The following LRRC74A variants were observed in gnomAD, a reference collection of about 807,000 sequenced individuals.
LRRC74A encodes leucine-rich repeat-containing protein 74A.
A neutral mutation model predicts 57.9 loss-of-function variants in LRRC74A; 44 were observed. The ratio of observed to expected loss-of-function variants is 0.76; its 90% confidence interval spans 0.60 to 0.98. The LOEUF (loss-of-function observed/expected upper bound fraction) is 0.98, where lower values mean the gene tolerates loss of function less well. LRRC74A is among the 50% of genes least tolerant of loss of function. The pLI, the probability that LRRC74A is intolerant of heterozygous loss-of-function variation, is 0.00. For missense variants in LRRC74A, 572 were observed against 574.0 expected (o/e 1.00, Z 0.04); for synonymous variants, 211 against 219.4 (o/e 0.96, Z 0.34).
chr14:76,838,994 T>C (rs1370394430), intron 5 of LRRC74A, among the ~76,000 whole-genome samples: 1 of 152,260 alleles, frequency 6.6e-6, no homozygotes, highest in East Asian at 1.9e-4. Flanking sequence ...TGGATTTCTT[T>C]CTATGGCAGA....
At chr14:76,868,679 C>T (rs1226365760) in intron 13 of LRRC74A, among the ~76,000 whole-genome samples, 2 of 152,184 alleles carry the variant, frequency 1.3e-5, no homozygotes, top group Non-Finnish European at 2.9e-5. Context: ...GGCCTGTGTT[C>T]TTAAGAGCTT....
At chr14:76,867,927 C>T (rs1899078134) in intron 13 of LRRC74A, among the ~76,000 whole-genome samples, 4 of 152,320 alleles carry the variant, frequency 2.6e-5, no homozygotes, top group Non-Finnish European at 1.5e-5. Context: ...CTACAGGTCC[C>T]GCTACTCTGC....
intron 2 of LRRC74A, 131 bp downstream of exon 2, chr14:76,828,550 A>T: frequency 7.1e-7 from 1 of 1,409,812 alleles, no homozygotes; most frequent in Non-Finnish European, 9.9e-7. Context: ...GAAATGTGGC[A>T]GAAAGGCCTG....
intron 2 of LRRC74A, chr14:76,828,733 C>A (rs1195554615): frequency 4.2e-6 from 2 of 476,580 alleles, no homozygotes; most frequent in South Asian, 3.1e-5. Context: ...GCATCCTATG[C>A]AATCTTTGCA....
chr14:76,850,695 T>C (rs1023898422), intron 7 of LRRC74A, among the ~76,000 whole-genome samples: 14 of 151,884 alleles, frequency 9.2e-5, no homozygotes, highest in Non-Finnish European at 1.6e-4. Flanking sequence ...GATGAAACCC[T>C]GTCTCTACTA....
At chr14:76,867,896 A>G (rs1249320217) in intron 13 of LRRC74A, among the ~76,000 whole-genome samples, 1 of 152,162 alleles carries the variant, frequency 6.6e-6, no homozygotes, top group Admixed American at 6.5e-5. Context: ...CAAGCACCAA[A>G]TGCTAACGGT....
At chr14:76,851,384 G>T (rs1321709788) in intron 7 of LRRC74A, among the ~76,000 whole-genome samples, 2 of 152,166 alleles carry the variant, frequency 1.3e-5, no homozygotes, top group Non-Finnish European at 2.9e-5. Flanking sequence ...TTGAGATGCA[G>T]TCTTGCTCTG....
chr14:76,838,120 C>A, intron 5 of LRRC74A, 149 bp downstream of exon 5: 2 of 557,656 alleles, frequency 3.6e-6, no homozygotes, highest in Non-Finnish European at 3.2e-6. Context: ...TAAACCCTCC[C>A]AGTCACACTC....
intron 11 of LRRC74A, among the ~76,000 whole-genome samples, chr14:76,863,212 G>GTGTGTGTA (rs2140310082): frequency 6.6e-6 from 1 of 151,930 alleles, no homozygotes; most frequent in South Asian, 2.1e-4. Context: ...GTGTGTGTGT[G>GTGTGTGTA]TGTTGGGATA....
intron 1 of LRRC74A, among the ~76,000 whole-genome samples, chr14:76,828,074 G>A (rs1895706149): frequency 6.6e-6 from 1 of 152,220 alleles, no homozygotes; most frequent in Non-Finnish European, 1.5e-5. Flanking sequence ...GAGCAGAAGG[G>A]AGTTGGTTTC....
At chr14:76,857,165 G>C (rs1187115013) in intron 9 of LRRC74A, among the ~76,000 whole-genome samples, 1 of 150,572 alleles carries the variant, frequency 6.6e-6, no homozygotes, top group African/African-American at 2.5e-5. Flanking sequence ...TAAATGGGTG[G>C]GTAGATGGAT....
chr14:76,855,106 G>A (rs980204353), intron 9 of LRRC74A, among the ~76,000 whole-genome samples: 1 of 152,242 alleles, frequency 6.6e-6, no homozygotes, highest in Non-Finnish European at 1.5e-5. Context: ...TGAGGAAGGG[G>A]CTGCCATCTG....
At chr14:76,844,395 C>T (rs1425492099) in intron 5 of LRRC74A, 28 bp from the exon 6 acceptor site, 3 of 1,605,748 alleles carry the variant, frequency 1.9e-6, no homozygotes. Flanking sequence ...TCTAGCAGTG[C>T]ATCACTGACA....
chr14:76,851,310 TTCTG>T (rs1055192767), intron 7 of LRRC74A, among the ~76,000 whole-genome samples: 37 of 152,362 alleles, frequency 2.4e-4, no homozygotes, highest in South Asian at 8.3e-4. Context: ...TTCCAGCTAC[TTCTG>T]TCTATTTTAA....
intron 7 of LRRC74A, among the ~76,000 whole-genome samples, chr14:76,851,821 G>A (rs1467422067): frequency 6.6e-5 from 10 of 151,688 alleles, no homozygotes; most frequent in South Asian, 4.2e-4. Flanking sequence ...ACGCGCCACC[G>A]CACCCAGCTA....
At chr14:76,840,964 CAT>C (rs1896726598) in intron 5 of LRRC74A, among the ~76,000 whole-genome samples, 2 of 152,178 alleles carry the variant, frequency 1.3e-5, no homozygotes, top group South Asian at 4.1e-4. Context: ...CATATTATAA[CAT>C]AAGATGTTGT....
In LRRC74A at chr14:76,828,613, C is replaced by G. The variant is rs61742043; in HGVS notation, c.166+194C>G. 8.7e-4 allele frequency: 664 copies of G among 759,204 alleles called. 5 individuals carry two copies. In the African/African-American group the frequency reaches 0.01, roughly 12 times the overall value. 47.0% of individuals were successfully genotyped at this position (759,204 alleles called of 1,614,324 possible). A position where few individuals can be genotyped will look rare whatever the true frequency, so the allele number is the denominator to read the frequency against. Reference sequence around the variant, plus strand: ...GGCTGGCAGGGGAGAGCAGCTGCAGCTTCCCACGCTTGTCACCTGCCTCAG... The same window carrying G: ...GGCTGGCAGGGGAGAGCAGCTGCAGGTTCCCACGCTTGTCACCTGCCTCAG... On this transcript the variant is annotated intron_variant, in intron 2 of 13. Coordinates refer to ENST00000689127, the MANE Select transcript of LRRC74A (RefSeq NM_001385106.1).
intron 1 of LRRC74A, 89 bp from the exon 2 acceptor site, chr14:76,828,202 G>A: frequency 6.7e-7 from 1 of 1,485,080 alleles, no homozygotes; most frequent in South Asian, 1.3e-5. Flanking sequence ...GAGGAAGGGA[G>A]CAGAGATGGA....
intron 13 of LRRC74A, among the ~76,000 whole-genome samples, chr14:76,869,375 T>C (rs1899240732): frequency 6.6e-6 from 1 of 152,228 alleles, no homozygotes. Context: ...TTATCAGCTG[T>C]GATTGAAGAG....
Sources: allele counts gnomAD v4.1 joint callset (sites outside exome capture counted in the v4.1 genomes callset), GRCh38; gene constraint gnomAD v4.1.1; transcripts MANE v1.5; gene names NCBI Gene and HGNC (gene_info 2026-07-23, HGNC 2026-07-21).